Variants in LHX8 observed in about 807,000 individuals in gnomAD.
LHX8 encodes the protein LIM homeobox 8.
LHX8 carries 12 observed loss-of-function variants against 40.3 expected under a neutral mutation model. The ratio of observed to expected loss-of-function variants is 0.30; its 90% CI spans 0.19 to 0.48. LHX8 has a LOEUF of 0.48. Among genes scored for constraint, LHX8 ranks in the 20% least tolerant of loss-of-function variants. The probability of loss-of-function intolerance (pLI) is 0.99; values close to 1 mark genes in which losing one functional copy is unlikely to be tolerated. For synonymous variants in LHX8, 179 were observed against 162.0 expected, an observed-to-expected ratio of 1.10 and a Z score of -0.80; for missense variants, 344 against 433.7, an observed-to-expected ratio of 0.79 and a Z score of 1.84.
the LHX8 span, among the ~76,000 whole-genome samples, chr1:75,185,215 C>G: frequency 6.6e-6 from 1 of 151,798 alleles, no homozygotes; most frequent in Non-Finnish European, 1.5e-5. Flanking sequence ...GAAACTATTC[C>G]AAAAATTGAG....
intron 6 of LHX8, among the ~76,000 whole-genome samples, chr1:75,147,669 C>T (rs1648498161): frequency 6.6e-6 from 1 of 152,200 alleles, no homozygotes; most frequent in Non-Finnish European, 1.5e-5. Context: ...GCTCTTCTCT[C>T]TCATTCTTCA....
At chr1:75,192,904 G>A in the LHX8 span, among the ~76,000 whole-genome samples, 2 of 152,144 alleles carry the variant, frequency 1.3e-5, no homozygotes, top group African/African-American at 2.4e-5. Context: ...ATGTTGGCCA[G>A]GCTGGCCTTG....
At chr1:75,140,696 TAAGA>T (rs1162520319) in intron 3 of LHX8, among the ~76,000 whole-genome samples, 2 of 152,262 alleles carry the variant, frequency 1.3e-5, no homozygotes, top group East Asian at 3.9e-4. Flanking sequence ...AGATTCCATT[TAAGA>T]AAGAAAGAAA....
At chr1:75,150,697 T>C (rs1432987345) in intron 7 of LHX8, among the ~76,000 whole-genome samples, 6 of 151,068 alleles carry the variant, frequency 4.0e-5, no homozygotes, top group South Asian at 2.1e-4. Flanking sequence ...TTTTTTTTTT[T>C]CGAGACAGAG....
chr1:75,129,467 GAGTT>G (rs1647906316), upstream of LHX8, among the ~76,000 whole-genome samples: 1 of 152,146 alleles, frequency 6.6e-6, no homozygotes, highest in Non-Finnish European at 1.5e-5. Flanking sequence ...ATAGCTTTAC[GAGTT>G]ACACCGGAGG....
At chr1:75,164,659 C>A (rs1362248431), downstream of LHX8, among the ~76,000 whole-genome samples, 1 of 150,472 alleles carries the variant, frequency 6.6e-6, no homozygotes, top group African/African-American at 2.4e-5. Context: ...CTCAAAAATA[C>A]AATTTTAAAA....
rs771970118 is a variant in LHX8, at chr1:75,141,106, G to A, written c.359G>A (p.Arg120Lys). The part of the protein sequence containing the change: ...KDIFCKLDYF[R>K]RYGTRCSRCG... Reference sequence around the variant, plus strand: ...ATTTTCTGCAAACTTGATTATTTCAGGTATGCTGTGAAGCTTTTTCTTAGT... The same window carrying A: ...ATTTTCTGCAAACTTGATTATTTCAAGTATGCTGTGAAGCTTTTTCTTAGT... Residue 120 changes from arginine (R) to lysine (K), a missense_variant and splice_region_variant, in exon 4 of 9, where the codon AGA (arginine) becomes AAA (lysine). This residue lies in a region of LHX8 where 147 missense variants were observed against 250.8 expected (regional missense o/e 0.59). Transcript: ENST00000356261. 1 of 1,612,728 alleles carries A rather than the reference G, an allele frequency of 6.2e-7. No individual in the cohort carries two copies.
intron 7 of LHX8, among the ~76,000 whole-genome samples, chr1:75,153,038 C>T (rs1034353603): frequency 7.9e-5 from 12 of 152,062 alleles, no homozygotes; most frequent in Non-Finnish European, 1.6e-4. Flanking sequence ...ATTTTTTCCA[C>T]ACAGAACATT....
the LHX8 span, among the ~76,000 whole-genome samples, chr1:75,172,061 A>C: frequency 6.6e-6 from 1 of 152,188 alleles, no homozygotes; most frequent in Non-Finnish European, 1.5e-5. Context: ...GTTCTTGCCA[A>C]AGCTTCCCCC....
the LHX8 span, among the ~76,000 whole-genome samples, chr1:75,173,603 C>T: frequency 2.0e-5 from 3 of 151,806 alleles, no homozygotes; most frequent in Admixed American, 6.6e-5. Flanking sequence ...AAGATGGTCT[C>T]GATCTCGTGA....
At chr1:75,153,184 CA>C (rs1329021675) in intron 7 of LHX8, among the ~76,000 whole-genome samples, 1 of 152,116 alleles carries the variant, frequency 6.6e-6, no homozygotes, top group East Asian at 1.9e-4. Context: ...CAGCTCACTT[CA>C]ACCTCCGCCT....
the LHX8 span, among the ~76,000 whole-genome samples, chr1:75,178,985 G>A: frequency 6.6e-6 from 1 of 152,182 alleles, no homozygotes; most frequent in African/African-American, 2.4e-5. Flanking sequence ...GTGTGGTTTT[G>A]AGTGAGTTCC....
Position 75,143,275 on chromosome 1 carries a change from A to G in LHX8, c.517A>G (p.Lys173Glu). The change falls in exon 5 of 9, where the codon AAA becomes GAA. Residue 173 changes from lysine (K) to glutamate (E), a missense_variant. Transcript: ENST00000356261. ...AGAGGAGTTTGCTTTGGTGGAAGAGAAAGTCCTCTGCAGAGTACATTATGA... is the reference window on the plus strand; with the variant it reads ...AGAGGAGTTTGCTTTGGTGGAAGAGGAAGTCCTCTGCAGAGTACATTATGA... The part of the protein sequence containing the change: ...TGEEFALVEE[K>E]VLCRVHYDCM... 3 of 1,613,828 alleles carry G rather than the reference A, an allele frequency of 1.9e-6. No individual in the cohort carries two copies. The highest frequency in any genetic ancestry group is 2.5e-6 in the Non-Finnish European group (3 of 1,179,764).
At chr1:75,178,300 T>C in the LHX8 span, among the ~76,000 whole-genome samples, 1 of 152,198 alleles carries the variant, frequency 6.6e-6, no homozygotes, top group African/African-American at 2.4e-5. Flanking sequence ...ATCCATCTGG[T>C]CCTGGACTTT....
At chr1:75,151,961 T>C (rs1362980110) in intron 7 of LHX8, among the ~76,000 whole-genome samples, 2 of 152,214 alleles carry the variant, frequency 1.3e-5, no homozygotes, top group African/African-American at 2.4e-5. Context: ...TGGCTTTCAA[T>C]ATGTTAAGGT....
In LHX8 at chr1:75,149,688, C is replaced by T. The variant is rs570550619; in HGVS notation, c.780+1006C>T. On this transcript the variant is annotated intron_variant, in intron 7 of 8. Transcript: ENST00000356261. ...TCAGCCTCCCAAATAACTGGGACCA[C>T]AGTTGCACACCACCACGCCTGGCTA... Among the ~76,000 whole-genome samples, 295 of 152,270 alleles carry T rather than the reference C, an allele frequency of 1.9e-3. 1 individual carries two copies. The Middle Eastern group carries it at 0.041, about 21-fold the overall frequency.
At chr1:75,141,430 C>T (rs921109860) in intron 4 of LHX8, among the ~76,000 whole-genome samples, 104 of 151,990 alleles carry the variant, frequency 6.8e-4, no homozygotes, top group African/African-American at 2.2e-3. Flanking sequence ...CTTATGACAA[C>T]GCCCCTGTTT....
the LHX8 span, among the ~76,000 whole-genome samples, chr1:75,167,510 A>C: frequency 1.3e-5 from 2 of 152,020 alleles, no homozygotes; most frequent in Non-Finnish European, 2.9e-5. Context: ...ATTCCTCATC[A>C]TCCAGGACCA....
chr1:75,199,071 A>G, the LHX8 span, among the ~76,000 whole-genome samples: 1 of 152,222 alleles, frequency 6.6e-6, no homozygotes, highest in African/African-American at 2.4e-5. Flanking sequence ...ATTGTAACAC[A>G]GTTGGCTTCA....
Sources: gnomAD v4.1 joint callset for allele counts (sites outside exome capture counted in the v4.1 genomes callset) on GRCh38, gnomAD v4.1.1 for gene constraint, gnomAD v4.1.1 regional missense constraint, MANE v1.5 for transcripts, NCBI Gene and HGNC (gene_info 2026-07-23, HGNC 2026-07-21) for gene names.